Variants in CCDC148 observed in about 807,000 individuals in gnomAD.
CCDC148 encodes the protein coiled-coil domain containing 148, also known as coiled-coil domain-containing protein 148.
In CCDC148, 89 loss-of-function variants were observed where a neutral mutation model predicts 85.7. The observed-to-expected ratio is 1.04, with a 90% CI of 0.87 to 1.24. The LOEUF (loss-of-function observed/expected upper bound fraction) is 1.24. CCDC148 is among the 50% of genes most tolerant of loss of function. CCDC148 has a pLI of 0.00. For synonymous variants in CCDC148, 230 were observed against 213.9 expected (o/e 1.08, Z -0.66); for missense variants, 692 against 671.7 (o/e 1.03, Z -0.33).
At chr2:158,424,267 T>G (rs12694960) in intron 1 of CCDC148, among the ~76,000 whole-genome samples, 1 of 151,948 alleles carries the variant, frequency 6.6e-6, no homozygotes, top group East Asian at 1.9e-4. Flanking sequence ...CACATGCACA[T>G]GTATGTTTAT....
intron 3 of CCDC148, among the ~76,000 whole-genome samples, chr2:158,344,839 TATG>T (rs1682912746): frequency 2.6e-5 from 4 of 152,092 alleles, no homozygotes; most frequent in Admixed American, 2.6e-4. Context: ...TAAAAATGAA[TATG>T]ATGAGATGTT....
At chr2:158,200,748 T>C (rs1023395972) in intron 11 of CCDC148, among the ~76,000 whole-genome samples, 6 of 152,152 alleles carry the variant, frequency 3.9e-5, no homozygotes, top group African/African-American at 1.4e-4. Flanking sequence ...GCTCTCTCCA[T>C]TGTAAAGGCA....
intron 1 of CCDC148, among the ~76,000 whole-genome samples, chr2:158,361,184 C>T (rs1034016590): frequency 4.0e-5 from 6 of 151,220 alleles, no homozygotes; most frequent in African/African-American, 1.5e-4. Context: ...GTGAAAAGAC[C>T]AAACCTACGT....
intron 10 of CCDC148, among the ~76,000 whole-genome samples, chr2:158,238,462 ATTACATTTTCTTCAGTCTGC>A (rs1201676527): frequency 6.6e-6 from 1 of 152,134 alleles, no homozygotes; most frequent in African/African-American, 2.4e-5. Context: ...CACCAAAATC[ATTACATTTTCTTCAGTCTGC>A]TTAACAAAAG....
intron 1 of CCDC148, among the ~76,000 whole-genome samples, chr2:158,431,256 A>G (rs1412843029): frequency 6.6e-6 from 1 of 152,014 alleles, no homozygotes; most frequent in Non-Finnish European, 1.5e-5. Flanking sequence ...AGGAATTACA[A>G]GCCTTAATAA....
chr2:158,194,123 C>T (rs1215475253), intron 11 of CCDC148, among the ~76,000 whole-genome samples: 1 of 152,032 alleles, frequency 6.6e-6, no homozygotes, highest in Non-Finnish European at 1.5e-5. Context: ...ATTTAAACAG[C>T]ATCATTCACT....
In CCDC148 at chr2:158,309,615, G is replaced by A. The variant is rs2105208879; in HGVS notation, c.928C>T (p.Gln310Ter). Residue 310 changes from glutamine to a stop codon, truncating the protein, a stop_gained, in exon 9 of 14, where the codon CAA becomes TAA. Transcript: ENST00000283233. LOFTEE classifies it high-confidence loss of function. ...DLVEHEKYCD[Q>*]YRFAIEQQNI... ...TGCTGCTCTATAGCAAAGCGATATT[G>A]GTCACAATATTTCTCGTGTTCAACC... 1.9e-6 allele frequency: 3 copies of A among 1,612,790 alleles called. No homozygotes were observed. Among genetic ancestry groups the A allele is most frequent in the Non-Finnish European group, 1.7e-6 (2 of 1,179,160 alleles).
chr2:158,272,078 T>A (rs996429547), intron 9 of CCDC148, among the ~76,000 whole-genome samples: 15 of 152,196 alleles, frequency 9.9e-5, no homozygotes, highest in African/African-American at 3.4e-4. Flanking sequence ...GGGCTGATGT[T>A]CAGTTGGTTA....
intron 1 of CCDC148, among the ~76,000 whole-genome samples, chr2:158,426,795 C>T (rs1371371318): frequency 2.0e-5 from 3 of 152,254 alleles, no homozygotes; most frequent in South Asian, 2.1e-4. Flanking sequence ...ACTTGTTGTG[C>T]TATAAAGTTA....
At chr2:158,442,643 A>G (rs756273340) in intron 1 of CCDC148, among the ~76,000 whole-genome samples, 2 of 152,226 alleles carry the variant, frequency 1.3e-5, no homozygotes, top group Non-Finnish European at 2.9e-5. Context: ...TGCCATTGCA[A>G]AAGGCCCAGA....
At chr2:158,288,206 C>A (rs563472017) in intron 9 of CCDC148, among the ~76,000 whole-genome samples, 20 of 152,198 alleles carry the variant, frequency 1.3e-4, no homozygotes, top group African/African-American at 4.8e-4. Context: ...ATGAGATGGG[C>A]TGTTGTGAAG....
intron 7 of CCDC148, among the ~76,000 whole-genome samples, chr2:158,327,041 T>C (rs546082164): frequency 1.6e-4 from 24 of 152,316 alleles, no homozygotes; most frequent in African/African-American, 5.8e-4. Context: ...GTATGTACAA[T>C]AATCTATAAA....
intron 11 of CCDC148, among the ~76,000 whole-genome samples, chr2:158,212,104 A>C (rs1165709562): frequency 1.3e-5 from 2 of 152,182 alleles, no homozygotes; most frequent in African/African-American, 4.8e-5. Context: ...AAACATTTCT[A>C]ATATACATAT....
At chr2:158,374,400 A>T (rs1481124031) in intron 1 of CCDC148, among the ~76,000 whole-genome samples, 1 of 152,084 alleles carries the variant, frequency 6.6e-6, no homozygotes, top group Non-Finnish European at 1.5e-5. Context: ...CAAATAATGT[A>T]GTTTTACCTC....
intron 1 of CCDC148, among the ~76,000 whole-genome samples, chr2:158,409,024 T>C (rs1686143650): frequency 6.6e-6 from 1 of 152,146 alleles, no homozygotes. Context: ...TAGGATTATT[T>C]GTGCTTTTGC....
At position 158,235,241 on chromosome 2, in the gene CCDC148, G is replaced by A. The variant is rs530919145; in HGVS notation, c.1252-14528C>T. On this transcript the variant is annotated intron_variant, in intron 10 of 13. Transcript: ENST00000283233. ...GGCCAAGGAAATTAATATTTGGGAGGAGCATGTAAAGGGCATAACTATTAT... is the reference window on the plus strand; with the variant it reads ...GGCCAAGGAAATTAATATTTGGGAGAAGCATGTAAAGGGCATAACTATTAT... Among the ~76,000 whole-genome samples the A allele has an allele frequency of 3.3e-5, 5 of 152,298 alleles. No homozygotes were observed. In the South Asian group the frequency reaches 1.0e-3, roughly 32 times the overall value.
chr2:158,188,300 C>A (rs987421192), intron 11 of CCDC148, among the ~76,000 whole-genome samples: 1 of 151,984 alleles, frequency 6.6e-6, no homozygotes, highest in African/African-American at 2.4e-5. Context: ...AGCAATAGAA[C>A]TTCCTGGGGC....
At chr2:158,266,768 A>G (rs1689471406) in intron 9 of CCDC148, among the ~76,000 whole-genome samples, 1 of 151,866 alleles carries the variant, frequency 6.6e-6, no homozygotes, top group South Asian at 2.1e-4. Context: ...ATAGTCTCCA[A>G]TCCCATCCAG....
rs74812980 is a variant in CCDC148 at position 158,244,150 on chromosome 2, T to C, written c.1251+6622A>G. Among the ~76,000 whole-genome samples the C allele has an allele frequency of 3.9e-3, 591 of 152,296 alleles. 4 individuals carry two copies. Among genetic ancestry groups the C allele is most frequent in the African/African-American group, 0.014 (571 of 41,566 alleles). On this transcript the variant is annotated intron_variant, in intron 10 of 13. Coordinates refer to ENST00000283233, the MANE Select transcript of CCDC148 (RefSeq NM_138803.4). The stretch of plus-strand genomic sequence containing the variant: ...TTTTTCTATCATCCTCAAGATGACA[T>C]CCTTAAAATTCTTCCAGCCTCTTCC...
Sources: gnomAD v4.1 joint callset for allele counts (sites outside exome capture counted in the v4.1 genomes callset) on GRCh38, gnomAD v4.1.1 for gene constraint, MANE v1.5 for transcripts, NCBI Gene and HGNC (gene_info 2026-07-23, HGNC 2026-07-21) for gene names.